PAGE5: variants seen among roughly 807,000 people sequenced by gnomAD.
The protein encoded by PAGE5 is PAGE family member 5.
A neutral mutation model predicts 8.1 loss-of-function variants in PAGE5; 8 were observed. The observed-to-expected ratio is 0.98, with a 90% confidence interval of 0.58 to 1.77. The LOEUF (loss-of-function observed/expected upper bound fraction) is 1.77, where lower values mean the gene tolerates loss of function less well. Ranked by LOEUF, PAGE5 falls within the 40% of genes most tolerant of loss-of-function variation. The pLI is 0.00. For synonymous variants in PAGE5, 30 were observed against 27.0 expected (o/e 1.11, Z -0.35); for missense variants, 64 against 77.6 (o/e 0.82, Z 0.66).
chrX:55,221,548 G>T, intron 2 of PAGE5, 85 bp downstream of exon 2: 5 of 1,024,812 alleles, frequency 4.9e-6, no homozygotes, highest in Non-Finnish European at 6.6e-6. Context: ...CACTGATACA[G>T]GTGTTCCATG....
chrX:55,222,847 T>C, intron 4 of PAGE5, 101 bp downstream of exon 4: 1 of 987,618 alleles, frequency 1.0e-6, no homozygotes, highest in Non-Finnish European at 1.4e-6. Flanking sequence ...AATATCATAC[T>C]TCACATCTAA....
chrX:55,220,778 T>G, intron 1 of PAGE5: 1 of 691,253 alleles, frequency 1.4e-6, no homozygotes, highest in Non-Finnish European at 2.1e-6. Context: ...GACTCTTCGT[T>G]AGGGATGCGA....
rs1390888707 is a variant in PAGE5 at position 55,221,451 on chromosome X, T to C, written c.69T>C (p.Val23=). The C allele has an allele frequency of 8.3e-7, 1 of 1,205,312 alleles. No homozygotes were observed. The highest frequency in any genetic ancestry group is 1.1e-6 in the Non-Finnish European group (1 of 891,525). ...ATGACCAAGAGTCTTCCCAGCCAGT[T>C]GGACCTGTGATTGTGAGTCCTTTAG... ...RGNDQESSQP[V]GPVIVQQPTE... is the part of the protein sequence containing the mutation. The change falls in exon 2 of 5, where the codon GTT becomes GTC. Residue 23 remains valine, a synonymous_variant. Coordinates refer to ENST00000374955, the MANE Select transcript of PAGE5 (RefSeq NM_001013435.3).
In PAGE5 at chrX:55,224,048, T is replaced by C. The variant is rs758730836; in HGVS notation, c.*45T>C. 2.2e-5 allele frequency: 23 copies of C among 1,027,898 alleles called. No homozygotes were observed. The South Asian group carries it at 5.4e-4, about 24-fold the overall frequency. The allele number at this position is 1,027,898 out of a possible 1,213,427, so 84.7% of individuals were successfully genotyped here. On this transcript the variant is annotated 3_prime_UTR_variant, in exon 5 of 5. Transcript: ENST00000374955. ...AAGACTGAAACCAAGAATATTGTTC[T>C]TATGCTGGAAATTTGACTGCTAACA...
chrX:55,221,700 G>A (rs1937894058), intron 2 of PAGE5, 67 bp from the exon 3 acceptor site: 14 of 1,057,733 alleles, frequency 1.3e-5, no homozygotes, highest in Admixed American at 2.6e-5. Flanking sequence ...TTTATGATTC[G>A]ATGCACATAT....
At chrX:55,221,704 C>G (rs1274170867) in intron 2 of PAGE5, 63 bp from the exon 3 acceptor site, 1 of 1,075,576 alleles carries the variant, frequency 9.3e-7, no homozygotes, top group Non-Finnish European at 1.3e-6. Flanking sequence ...TGATTCGATG[C>G]ACATATGCAT....
At chrX:55,222,888 T>A in intron 4 of PAGE5, 142 bp downstream of exon 4, 2 of 747,522 alleles carry the variant, frequency 2.7e-6, no homozygotes, top group East Asian at 3.5e-5. Context: ...AGACCCCAAA[T>A]GGCTGCCTTA....
chrX:55,221,811 A>G lies in PAGE5; in HGVS notation c.126A>G (p.Pro42=), dbSNP rs756961459. 7 of 1,210,607 alleles carry G rather than the reference A, an allele frequency of 5.8e-6. No homozygotes were observed. Among genetic ancestry groups the G allele is most frequent in the Non-Finnish European group, 7.8e-6 (7 of 894,992 alleles). ...AAAAACGTCAAGAAGAGGAACCACC[A>G]ACTGATAATCAGGGTATTGCACCTA... ...TEEKRQEEEP[P]TDNQGIAPSG... The change falls in exon 3 of 5, where the codon CCA becomes CCG. Residue 42 remains proline, a synonymous_variant. Coordinates refer to ENST00000374955, the MANE Select transcript of PAGE5 (RefSeq NM_001013435.3).
intron 1 of PAGE5, among the ~76,000 whole-genome samples, chrX:55,221,008 A>ACT (rs1457646252): frequency 1.8e-5 from 2 of 110,766 alleles, no homozygotes; most frequent in African/African-American, 6.6e-5. Context: ...GGGAGTGGGG[A>ACT]GGAGGTGGTG....
In PAGE5 at chrX:55,220,455, A is replaced by C; in HGVS notation, c.-9+3A>C. On this transcript the variant is annotated splice_donor_region_variant and intron_variant, in intron 1 of 4. Coordinates refer to ENST00000374955, the MANE Select transcript of PAGE5 (RefSeq NM_001013435.3). ...TCTCACTGACCGAGACTCAGCCGGT[A>C]GGTCTGCAGAGTGGTCTTCCTGGTA... 1 of 523,859 alleles carries C rather than the reference A, an allele frequency of 1.9e-6. No individual in the cohort carries two copies. The highest frequency in any genetic ancestry group is 3.4e-6 in the Non-Finnish European group (1 of 297,696). 43.2% of individuals were successfully genotyped at this position (523,859 alleles called of 1,213,427 possible).
rs1602333751 is a variant in PAGE5, at chrX:55,220,391, C to T, written c.-70C>T. On this transcript the variant is annotated 5_prime_UTR_variant, in exon 1 of 5. Coordinates refer to ENST00000374955, the MANE Select transcript of PAGE5 (RefSeq NM_001013435.3). ...TGCAAGGAGAGGTTGTGTCTTCGTT[C>T]TTTCCGCCATCTTCGTTCTTTCCAA... The T allele has an allele frequency of 1.2e-5, 5 of 433,435 alleles. No homozygotes were observed. In the East Asian group the frequency reaches 2.0e-4, roughly 17 times the overall value. The allele number at this position is 433,435 out of a possible 1,213,427, so 35.7% of individuals were successfully genotyped here. A position where few individuals can be genotyped will look rare whatever the true frequency, so the allele number is the denominator to read the frequency against.
In PAGE5 at chrX:55,222,656, C is replaced by T; in HGVS notation, c.226C>T (p.Leu76=). The change falls in exon 4 of 5, where the codon CTG becomes TTG. Residue 76 remains leucine (L), a synonymous_variant. Transcript: ENST00000374955. The part of the protein sequence containing the change: ...DVEAFQQELA[L]LKIEDAPGDG... ...GGAAGCTTTTCAACAGGAACTGGCT[C>T]TGCTTAAGATAGAGGATGCACCTGG... The T allele has an allele frequency of 8.3e-7, 1 of 1,209,172 alleles. No individual in the cohort carries two copies. The highest frequency in any genetic ancestry group is 2.3e-4 in the Middle Eastern group (1 of 4,353).
chrX:55,223,895 T>G, intron 4 of PAGE5, 92 bp from the exon 5 acceptor site: 2 of 704,908 alleles, frequency 2.8e-6, no homozygotes, highest in East Asian at 7.6e-5. Flanking sequence ...GGTTCTGATT[T>G]TAGTTAATCA....
At chrX:55,220,596 C>G (rs1485577523) in intron 1 of PAGE5, 144 bp downstream of exon 1, 1 of 1,195,505 alleles carries the variant, frequency 8.4e-7, no homozygotes, top group Non-Finnish European at 1.1e-6. Flanking sequence ...TCCCCCAGGT[C>G]CTGATGCAGG....
At chrX:55,222,461 G>C (rs1417009942) in intron 3 of PAGE5, among the ~76,000 whole-genome samples, 160 bp from the exon 4 acceptor site, 2 of 112,283 alleles carry the variant, frequency 1.8e-5, no homozygotes, top group South Asian at 7.4e-4. Context: ...GAAAGGAAAG[G>C]GCAATGTTTG....
chrX:55,221,308 A>G, intron 1 of PAGE5, 67 bp from the exon 2 acceptor site: 2 of 991,905 alleles, frequency 2.0e-6, no homozygotes, highest in African/African-American at 1.9e-5. Flanking sequence ...CCATTTTGCC[A>G]TGGAATGTTC....
chrX:55,220,673 T>C (rs1312999022), intron 1 of PAGE5: 10 of 1,189,206 alleles, frequency 8.4e-6, no homozygotes, highest in East Asian at 6.1e-5. Flanking sequence ...AGGGGGTAGA[T>C]CGCCTGAAGA....
At chrX:55,220,645 G>T (rs750510595) in intron 1 of PAGE5, 193 bp downstream of exon 1, 6 of 1,199,570 alleles carry the variant, frequency 5.0e-6, no homozygotes. Flanking sequence ...TGGAACGAGG[G>T]AGGAAGGTAG....
intron 2 of PAGE5, 33 bp downstream of exon 2, chrX:55,221,496 A>C: frequency 8.6e-7 from 1 of 1,168,380 alleles, no homozygotes; most frequent in South Asian, 1.8e-5. Context: ...TTTTCTATTA[A>C]CACATTTTAT....
Sources: gnomAD v4.1 joint callset for allele counts (sites outside exome capture counted in the v4.1 genomes callset) on GRCh38, gnomAD v4.1.1 for gene constraint, MANE v1.5 for transcripts, NCBI Gene and HGNC (gene_info 2026-07-23, HGNC 2026-07-21) for gene names.